Variants in YIPF1 observed in about 807,000 individuals in gnomAD.
The protein encoded by YIPF1 is Yip1 domain family member 1.
A neutral mutation model predicts 37.0 loss-of-function variants in YIPF1; 22 were observed. The observed-to-expected ratio is 0.59, with a 90% confidence interval of 0.42 to 0.85. The LOEUF (loss-of-function observed/expected upper bound fraction) is 0.85, where lower values mean the gene tolerates loss of function less well. Ranked by LOEUF, YIPF1 falls within the 40% of genes least tolerant of loss-of-function variation. YIPF1 has a pLI of 0.00. For synonymous variants in YIPF1, 128 were observed against 131.9 expected, an observed-to-expected ratio of 0.97 and a Z score of 0.21; for missense variants, 355 against 373.1, an observed-to-expected ratio of 0.95 and a Z score of 0.40.
chr1:53,856,472 C>T (rs145171366), intron 10 of YIPF1, among the ~76,000 whole-genome samples: 32 of 152,286 alleles, frequency 2.1e-4, no homozygotes, highest in African/African-American at 7.7e-4. Context: ...CAGCTGGGCT[C>T]GAATTGTCTC....
intron 10 of YIPF1, 111 bp downstream of exon 10, chr1:53,859,944 CA>C (rs1649821223): frequency 1.9e-6 from 2 of 1,044,574 alleles, no homozygotes; most frequent in Non-Finnish European, 2.8e-6. Flanking sequence ...CTGAACTGTG[CA>C]GAAGGATGAA....
Position 53,883,284 on chromosome 1 carries a change from C to A in YIPF1, c.32-8G>T. On this transcript the variant is annotated splice_region_variant and splice_polypyrimidine_tract_variant and intron_variant, in intron 3 of 10. Coordinates refer to ENST00000072644, the MANE Select transcript of YIPF1 (RefSeq NM_018982.5). Reference sequence around the variant, plus strand: ...TGGCTGCATTGCCAAATTCTGAAATCAATTAGAGCACACGGGCCTCAGAAA... The same window carrying A: ...TGGCTGCATTGCCAAATTCTGAAATAAATTAGAGCACACGGGCCTCAGAAA... The A allele has an allele frequency of 2.6e-6, 4 of 1,549,046 alleles. 1 individual carries two copies. The highest frequency in any genetic ancestry group is 2.8e-5 in the African/African-American group (2 of 71,872).
intron 9 of YIPF1, among the ~76,000 whole-genome samples, chr1:53,861,638 AGGGAAGGAAGGAAGGAAGGGAGGG>A (rs1219010802): frequency 3.8e-5 from 5 of 131,000 alleles, no homozygotes; most frequent in East Asian, 2.5e-4. Flanking sequence ...GAAGGCAGGC[AGGGAAGGAAGGAAGGAAGGGAGGG>A]GGGAAGGAAG....
chr1:53,887,817 C>G (rs992125033), intron 3 of YIPF1, among the ~76,000 whole-genome samples: 1 of 152,144 alleles, frequency 6.6e-6, no homozygotes, highest in Non-Finnish European at 1.5e-5. Flanking sequence ...CCTCAGTCTC[C>G]TCATTAATAA....
intron 8 of YIPF1, 41 bp downstream of exon 8, chr1:53,866,717 A>T (rs767065208): frequency 1.3e-6 from 2 of 1,576,556 alleles, no homozygotes; most frequent in Non-Finnish European, 1.7e-6. Context: ...TACCAAGAAC[A>T]GAGCATCACT....
At chr1:53,870,016 C>A (rs1650138103) in intron 7 of YIPF1, among the ~76,000 whole-genome samples, 2 of 151,878 alleles carry the variant, frequency 1.3e-5, no homozygotes, top group African/African-American at 4.8e-5. Flanking sequence ...GCATGCGCCA[C>A]CATGCCTGGA....
chr1:53,881,262 GAA>G lies in YIPF1; in HGVS notation c.195+1849_195+1850del, dbSNP rs1280858742. ...TCCATCTCAAAAAAAAAAAAAAAAA[GAA>G]AAAGAAAGAAAATCTAGGGAATACC... On this transcript the variant is annotated intron_variant, in intron 4 of 10. Coordinates refer to ENST00000072644, the MANE Select transcript of YIPF1 (RefSeq NM_018982.5). Among the ~76,000 whole-genome samples the G allele has an allele frequency of 7.1e-5, 7 of 98,394 alleles. No homozygotes were observed. The East Asian group carries it at 1.1e-3, about 16-fold the overall frequency. 64.6% of individuals were successfully genotyped at this position (98,394 alleles called of 152,430 possible). A position where few individuals can be genotyped will look rare whatever the true frequency, so the allele number is the denominator to read the frequency against.
chr1:53,858,957 T>C (rs1649795416), intron 10 of YIPF1, among the ~76,000 whole-genome samples: 1 of 152,190 alleles, frequency 6.6e-6, no homozygotes, highest in Non-Finnish European at 1.5e-5. Context: ...TGTAATTTTA[T>C]TTAATTCTAA....
Position 53,878,693 on chromosome 1 carries a change from G to C in YIPF1, c.225C>G (p.Pro75=), listed in dbSNP as rs184195991. 67 of 1,597,586 alleles carry C rather than the reference G, an allele frequency of 4.2e-5. 1 individual carries two copies. The East Asian group carries it at 1.3e-3, about 30-fold the overall frequency. The change falls in exon 5 of 11, where the codon CCC becomes CCG. Residue 75 remains proline (P), a synonymous_variant. Transcript: ENST00000072644. ...ELLAGQKKSS[P]FWTFEYYQTF... Reference sequence around the variant, plus strand: ...TTTGGTAGTATTCAAATGTCCAGAAGGGGGAGCTTTTCTTCTGTCCAGCAA... The same window carrying C: ...TTTGGTAGTATTCAAATGTCCAGAACGGGGAGCTTTTCTTCTGTCCAGCAA...
chr1:53,855,885 G>A (rs886519736), intron 10 of YIPF1, among the ~76,000 whole-genome samples: 1 of 152,152 alleles, frequency 6.6e-6, no homozygotes, highest in Non-Finnish European at 1.5e-5. Flanking sequence ...GGTTCTCCCT[G>A]GAATGTGTTC....
At chr1:53,872,307 T>C (rs1213307825) in intron 6 of YIPF1, among the ~76,000 whole-genome samples, 1 of 152,108 alleles carries the variant, frequency 6.6e-6, no homozygotes, top group East Asian at 1.9e-4. Flanking sequence ...AGCAAATGCA[T>C]GTGTATATGT....
At chr1:53,859,018 C>T (rs768195378) in intron 10 of YIPF1, among the ~76,000 whole-genome samples, 3 of 152,182 alleles carry the variant, frequency 2.0e-5, no homozygotes, top group Non-Finnish European at 4.4e-5. Flanking sequence ...GCAGCTTGGA[C>T]AGAAAGGACA....
chr1:53,869,201 T>C (rs943562656), intron 7 of YIPF1, among the ~76,000 whole-genome samples: 1 of 151,460 alleles, frequency 6.6e-6, no homozygotes, highest in African/African-American at 2.4e-5. Flanking sequence ...GGCAAATACA[T>C]ATCTTTCTAT....
At chr1:53,879,211 C>T (rs929110934) in intron 4 of YIPF1, among the ~76,000 whole-genome samples, 3 of 152,002 alleles carry the variant, frequency 2.0e-5, no homozygotes, top group African/African-American at 7.2e-5. Flanking sequence ...CTTCCCACCT[C>T]AGCTTCCCAA....
At chr1:53,857,152 C>T (rs1455948713) in intron 10 of YIPF1, among the ~76,000 whole-genome samples, 4 of 152,198 alleles carry the variant, frequency 2.6e-5, no homozygotes, top group African/African-American at 4.8e-5. Flanking sequence ...TGCCAACAAC[C>T]TTGTGAGTTG....
At chr1:53,865,830 C>T (rs57827268) in intron 9 of YIPF1, among the ~76,000 whole-genome samples, 24 of 152,116 alleles carry the variant, frequency 1.6e-4, no homozygotes, top group African/African-American at 5.5e-4. Context: ...TCACCCAGGC[C>T]GGAGTACAGT....
intron 4 of YIPF1, among the ~76,000 whole-genome samples, chr1:53,880,096 T>C (rs116501029): frequency 6.6e-6 from 1 of 152,182 alleles, no homozygotes; most frequent in Non-Finnish European, 1.5e-5. Flanking sequence ...GGTATTCAAA[T>C]AGGAAGAGAG....
chr1:53,873,709 C>T (rs1312724367), intron 6 of YIPF1, among the ~76,000 whole-genome samples: 5 of 149,088 alleles, frequency 3.4e-5, no homozygotes, highest in Non-Finnish European at 7.4e-5. Flanking sequence ...AAAGTGGGGG[C>T]GGGGGGGAAT....
chr1:53,878,781 G>C lies in YIPF1; in HGVS notation c.196-59C>G, dbSNP rs150346609. The stretch of plus-strand genomic sequence containing the variant: ...TAAGCAATTTCTTAATTCCAGCTGC[G>C]TGGGGTGCAGGAGGGATCTGATCTA... On this transcript the variant is annotated intron_variant, in intron 4 of 10. Coordinates refer to ENST00000072644, the MANE Select transcript of YIPF1 (RefSeq NM_018982.5). The C allele has an allele frequency of 7.3e-6, 11 of 1,510,188 alleles. No homozygotes were observed. In the East Asian group the frequency reaches 2.3e-4, roughly 31 times the overall value. The allele number at this position is 1,510,188 out of a possible 1,614,324, so 93.5% of individuals were successfully genotyped here.
Sources: gnomAD v4.1 joint callset for allele counts (sites outside exome capture counted in the v4.1 genomes callset) on GRCh38, gnomAD v4.1.1 for gene constraint, MANE v1.5 for transcripts, NCBI Gene and HGNC (gene_info 2026-07-23, HGNC 2026-07-21) for gene names.